The following BRWD1 variants were observed in gnomAD, a reference collection of about 807,000 sequenced individuals.
The protein encoded by BRWD1 is bromodomain and WD repeat domain containing 1.
BRWD1 carries 82 observed loss-of-function variants against 251.2 expected under a neutral mutation model. The ratio of observed to expected loss-of-function variants is 0.33; its 90% confidence interval spans 0.27 to 0.39. The LOEUF (loss-of-function observed/expected upper bound fraction) is 0.39, where lower values mean the gene tolerates loss of function less well. Among genes scored for constraint, BRWD1 ranks in the 10% least tolerant of loss-of-function variants. The pLI, the probability that BRWD1 is intolerant of heterozygous loss-of-function variation, is 1.00. For synonymous variants in BRWD1, 918 were observed against 902.8 expected (o/e 1.02, Z -0.30); for missense variants, 2,233 against 2,711.6 (o/e 0.82, Z 3.92).
intron 5 of BRWD1, chr21:39,298,210 C>T: frequency 5.9e-6 from 7 of 1,185,866 alleles, no homozygotes; most frequent in Non-Finnish European, 7.3e-6. Context: ...AGCTTTTTAG[C>T]TTAACATCTA....
chr21:39,216,837 G>C, intron 31 of BRWD1: 1 of 211,826 alleles, frequency 4.7e-6, no homozygotes, highest in South Asian at 7.4e-5. Flanking sequence ...TGTTACACAG[G>C]GAAACTTGTG....
rs1270014430 is a variant in BRWD1, at chr21:39,186,232, G to A, written c.*10027C>T. 2 of 152,112 alleles carry A rather than the reference G, an allele frequency of 1.3e-5. No individual in the cohort carries two copies. The highest frequency in any genetic ancestry group is 4.8e-5 in the African/African-American group (2 of 41,402). The allele number at this position is 152,112 out of a possible 1,614,324, so 9.4% of individuals were successfully genotyped here. ...AATGAGGCACATTTTTGGCATTTCT[G>A]TAAATGCTGCTACATACAAGTAAAA... is the stretch of plus-strand genomic sequence containing the variant. On this transcript the variant is annotated 3_prime_UTR_variant, in exon 41 of 41. Transcript: ENST00000342449.
chr21:39,189,256 A>G lies in BRWD1; in HGVS notation c.*7003T>C. 1.0e-6 allele frequency: 1 copy of G among 984,828 alleles called. No homozygotes were observed. Among genetic ancestry groups the G allele is most frequent in the Non-Finnish European group, 1.2e-6 (1 of 829,346 alleles). 61.0% of individuals were successfully genotyped at this position (984,828 alleles called of 1,614,324 possible). A position where few individuals can be genotyped will look rare whatever the true frequency, so the allele number is the denominator to read the frequency against. ...CACCATTTGCATTTGGAAGAAAAGA[A>G]CAGATAACTGGTTCATTCCCAACAA... On this transcript the variant is annotated 3_prime_UTR_variant, in exon 41 of 41. Transcript: ENST00000342449.
At chr21:39,299,712 C>A (rs1417597538) in intron 4 of BRWD1, among the ~76,000 whole-genome samples, 1 of 151,826 alleles carries the variant, frequency 6.6e-6, no homozygotes, top group African/African-American at 2.4e-5. Context: ...CGGTGGCTCA[C>A]GCTTGTAATC....
Position 39,255,737 on chromosome 21 carries a change from T to C in BRWD1, c.2163A>G (p.Gln721=), listed in dbSNP as rs746213751. ...TAGCAATCTGACTGCGTGGAGCGTT[T>C]TGATGCATCTGACGAACACCTTCAA... The part of the protein sequence containing the change: ...GQVEGVRQMH[Q]NAPRSQIATE... The change falls in exon 19 of 41, where the codon CAA becomes CAG. Residue 721 remains glutamine, a synonymous_variant. Transcript: ENST00000342449. The C allele has an allele frequency of 3.1e-6, 5 of 1,614,088 alleles. No homozygotes were observed. In the South Asian group the frequency reaches 4.4e-5, roughly 14 times the overall value.
At chr21:39,313,375 C>G in intron 1 of BRWD1, 68 bp downstream of exon 1, 2 of 1,485,126 alleles carry the variant, frequency 1.3e-6, no homozygotes, top group African/African-American at 1.5e-5. Flanking sequence ...CCGGGGGAGC[C>G]CGGGGAGCCG....
At chr21:39,219,318 G>C (rs1392540068) in intron 29 of BRWD1, 1 of 152,420 alleles carries the variant, frequency 6.6e-6, no homozygotes, top group Non-Finnish European at 1.5e-5. Context: ...CTACTAAGGA[G>C]ACTGAGGCAG....
At position 39,228,483 on chromosome 21, in the gene BRWD1, A is replaced by T. The variant is rs1286661634; in HGVS notation, c.3208+17T>A. ...TAATTTTTAAGGGTATATAAAACTT[A>T]GTAAGGATAGACTTACAAGACTGCC... is the stretch of plus-strand genomic sequence containing the variant. On this transcript the variant is annotated intron_variant, in intron 27 of 40. Transcript: ENST00000342449. 6.3e-7 allele frequency: 1 copy of T among 1,578,220 alleles called. No individual in the cohort carries two copies. Among genetic ancestry groups the T allele is most frequent in the Non-Finnish European group, 8.7e-7 (1 of 1,148,760 alleles).
chr21:39,187,601 A>T lies in BRWD1; in HGVS notation c.*8658T>A, dbSNP rs535152104. On this transcript the variant is annotated 3_prime_UTR_variant, in exon 41 of 41. Coordinates refer to ENST00000342449, the MANE Select transcript of BRWD1 (RefSeq NM_033656.4). Reference sequence around the variant, plus strand: ...CATTGATATAACCTTACATTTGCTTATCTACAACTATAAGGATGTCACTTA... The same window carrying T: ...CATTGATATAACCTTACATTTGCTTTTCTACAACTATAAGGATGTCACTTA... The T allele has an allele frequency of 1.0e-6, 1 of 985,262 alleles. No homozygotes were observed. The highest frequency in any genetic ancestry group is 1.1e-4 in the East Asian group (1 of 8,812). The allele number at this position is 985,262 out of a possible 1,614,324, so 61.0% of individuals were successfully genotyped here.
chr21:39,189,571 TA>T lies in BRWD1; in HGVS notation c.*6687del. The T allele has an allele frequency of 1.0e-6, 1 of 983,984 alleles. No individual in the cohort carries two copies. The highest frequency in any genetic ancestry group is 1.2e-6 in the Non-Finnish European group (1 of 828,644). The allele number at this position is 983,984 out of a possible 1,614,324, so 61.0% of individuals were successfully genotyped here. A position where few individuals can be genotyped will look rare whatever the true frequency, so the allele number is the denominator to read the frequency against. ...TGCCCAAGGGAGGGAGAATTTGAAT[TA>T]CACTGTACTCTAACTTGATAAAGCT... On this transcript the variant is annotated 3_prime_UTR_variant, in exon 41 of 41. Transcript: ENST00000342449.
At position 39,298,592 on chromosome 21, in the gene BRWD1, G is replaced by A; in HGVS notation, c.199-10C>T. ...GCTTATTGGACAAGACCTAGTTGGA[G>A]AGCAAGTTTTAATGACAACAGCTTA... On this transcript the variant is annotated splice_polypyrimidine_tract_variant and intron_variant, in intron 4 of 40. Coordinates refer to ENST00000342449, the MANE Select transcript of BRWD1 (RefSeq NM_033656.4). 2 of 1,572,392 alleles carry A rather than the reference G, an allele frequency of 1.3e-6. No individual in the cohort carries two copies. Among genetic ancestry groups the A allele is most frequent in the Non-Finnish European group, 1.7e-6 (2 of 1,163,956 alleles).
chr21:39,234,362 T>C (rs770039190), intron 23 of BRWD1, among the ~76,000 whole-genome samples: 68 of 152,260 alleles, frequency 4.5e-4, no homozygotes, highest in Admixed American at 8.5e-4. Context: ...TTTTTACTGT[T>C]ATCCTATATA....
Position 39,187,527 on chromosome 21 carries a change from C to A in BRWD1, c.*8732G>T. The A allele has an allele frequency of 7.1e-7, 1 of 1,410,416 alleles. No homozygotes were observed. The highest frequency in any genetic ancestry group is 9.2e-7 in the Non-Finnish European group (1 of 1,086,104). 87.4% of individuals were successfully genotyped at this position (1,410,416 alleles called of 1,614,324 possible). ...ATTCGGAAACAATAAATTTAAAAGT[C>A]ATATTGCTAAATGATAAATTTTAAA... On this transcript the variant is annotated 3_prime_UTR_variant, in exon 41 of 41. Transcript: ENST00000342449.
chr21:39,274,646 T>TA lies in BRWD1; in HGVS notation c.1146-175_1146-174insT, dbSNP rs2035223823. ...AGCGTATCTGGATGGGAAAAAAAAT[T>TA]TGGTTTGCTATGATTTGCCCGGCCC... On this transcript the variant is annotated intron_variant, in intron 12 of 40. Coordinates refer to ENST00000342449, the MANE Select transcript of BRWD1 (RefSeq NM_033656.4). Among the ~76,000 whole-genome samples, 10 of 152,186 alleles carry TA rather than the reference T, an allele frequency of 6.6e-5. 1 individual carries two copies. The highest frequency in any genetic ancestry group is 2.4e-4 in the African/African-American group (10 of 41,524).
chr21:39,224,352 G>C (rs149424253), intron 29 of BRWD1, 56 bp downstream of exon 29: 10 of 1,062,350 alleles, frequency 9.4e-6, no homozygotes, highest in Non-Finnish European at 1.4e-5. Context: ...ATGTGCACTG[G>C]CAAATGTACA....
In BRWD1 at chr21:39,226,969, T is replaced by C. The variant is rs553335046; in HGVS notation, c.3208+1531A>G. ...CAAGACCCTGTCTCCACAAAAAAAATTAAAAATTAGCTGCACATGGTGCAG... is the reference window on the plus strand; with the variant it reads ...CAAGACCCTGTCTCCACAAAAAAAACTAAAAATTAGCTGCACATGGTGCAG... On this transcript the variant is annotated intron_variant, in intron 27 of 40. Coordinates refer to ENST00000342449, the MANE Select transcript of BRWD1 (RefSeq NM_033656.4). 9.9e-5 allele frequency among the ~76,000 whole-genome samples: 15 copies of C among 151,686 alleles called. 1 individual carries two copies. Among genetic ancestry groups the C allele is most frequent in the African/African-American group, 2.4e-5 (1 of 41,272 alleles).
chr21:39,217,978 G>C (rs2033024864), intron 31 of BRWD1, among the ~76,000 whole-genome samples, 174 bp downstream of exon 31: 1 of 151,906 alleles, frequency 6.6e-6, no homozygotes. Flanking sequence ...TCTTCTGCCT[G>C]GCCCTACCCA....
chr21:39,194,412 C>A lies in BRWD1; in HGVS notation c.*1847G>T. 1 of 1,179,272 alleles carries A rather than the reference C, an allele frequency of 8.5e-7. No individual in the cohort carries two copies. Among genetic ancestry groups the A allele is most frequent in the Non-Finnish European group, 1.0e-6 (1 of 953,996 alleles). The allele number at this position is 1,179,272 out of a possible 1,614,324, so 73.1% of individuals were successfully genotyped here. On this transcript the variant is annotated 3_prime_UTR_variant, in exon 41 of 41. Coordinates refer to ENST00000342449, the MANE Select transcript of BRWD1 (RefSeq NM_033656.4). ...TTAAAATTAGCAAAGTAAAAGGCAT[C>A]CCATTAGTCTTTTCAGTCTTAGTCA...
rs117590052 is a variant in BRWD1, at chr21:39,228,996, T to G, written c.3125+316A>C. Among the ~76,000 whole-genome samples the G allele has an allele frequency of 3.8e-3, 574 of 152,232 alleles. 3 individuals are homozygous for G. The highest frequency in any genetic ancestry group is 0.024 in the South Asian group (117 of 4,824). On this transcript the variant is annotated intron_variant, in intron 26 of 40. Coordinates refer to ENST00000342449, the MANE Select transcript of BRWD1 (RefSeq NM_033656.4). Reference sequence around the variant, plus strand: ...TATTAGACAGCACAGGTGTAGGAAATTATTTATTCTGAATTTTTTCAAAAA... The same window carrying G: ...TATTAGACAGCACAGGTGTAGGAAAGTATTTATTCTGAATTTTTTCAAAAA...
Sources: gnomAD v4.1 joint callset for allele counts (sites outside exome capture counted in the v4.1 genomes callset) on GRCh38, gnomAD v4.1.1 for gene constraint, MANE v1.5 for transcripts, NCBI Gene and HGNC (gene_info 2026-07-23, HGNC 2026-07-21) for gene names.